SLC39A11: variants seen among roughly 807,000 people sequenced by gnomAD.
SLC39A11 encodes zinc transporter ZIP11.
In SLC39A11, 33 loss-of-function variants were observed where a neutral mutation model predicts 36.1. That is an observed-to-expected ratio of 0.91 (90% CI 0.69 to 1.22). The LOEUF (loss-of-function observed/expected upper bound fraction) is 1.22. SLC39A11 is among the 50% of genes most tolerant of loss of function. The probability of loss-of-function intolerance (pLI) is 0.00; values close to 1 mark genes in which losing one functional copy is unlikely to be tolerated. For missense variants in SLC39A11, 432 were observed against 430.3 expected, an observed-to-expected ratio of 1.00 and a Z score of -0.03; for synonymous variants, 166 against 170.3, an observed-to-expected ratio of 0.97 and a Z score of 0.20.
chr17:72,830,266 C>A (rs183367927), intron 6 of SLC39A11, among the ~76,000 whole-genome samples: 8 of 152,288 alleles, frequency 5.3e-5, no homozygotes, highest in African/African-American at 1.9e-4. Context: ...CACTGATACG[C>A]TAGCATAGAG....
At position 72,936,411 on chromosome 17, in the gene SLC39A11, TAAAAAAAAAAAAAAAAA is replaced by T. The variant is rs746428868; in HGVS notation, c.430+11324_430+11340del. On this transcript the variant is annotated intron_variant, in intron 5 of 9. Coordinates refer to ENST00000255559, the MANE Select transcript of SLC39A11 (RefSeq NM_139177.4). The stretch of plus-strand genomic sequence containing the variant: ...TGGCAGTATCTCATCTGAAAAAAAG[TAAAAAAAAAAAAAAAAA>T]AAAAAAAAAAAAAATTCCCCTGGCA... Among the ~76,000 whole-genome samples, 321 of 73,472 alleles carry T rather than the reference TAAAAAAAAAAAAAAAAA, an allele frequency of 4.4e-3. 1 individual carries two copies. The highest frequency in any genetic ancestry group is 0.015 in the African/African-American group (293 of 20,068). The allele number at this position is 73,472 out of a possible 152,430, so 48.2% of individuals were successfully genotyped here. A position where few individuals can be genotyped will look rare whatever the true frequency, so the allele number is the denominator to read the frequency against.
chr17:72,739,821 ATGCAGGGATTAGGGGCGCCAATCCCT>A (rs1320106998), intron 6 of SLC39A11, among the ~76,000 whole-genome samples: 1 of 152,180 alleles, frequency 6.6e-6, no homozygotes, highest in Non-Finnish European at 1.5e-5. Context: ...CCCTTGAACA[ATGCAGGGATTAGGGGCGCCAATCCCT>A]TGCACAGTTG....
intron 7 of SLC39A11, among the ~76,000 whole-genome samples, chr17:72,733,485 G>C (rs532861065): frequency 7.2e-4 from 110 of 152,312 alleles, no homozygotes; most frequent in African/African-American, 2.5e-3. Flanking sequence ...GGACTGCTCA[G>C]AAGATAAGCT....
At chr17:72,677,754 T>G (rs570701457) in intron 7 of SLC39A11, among the ~76,000 whole-genome samples, 2 of 152,088 alleles carry the variant, frequency 1.3e-5, no homozygotes, top group Non-Finnish European at 2.9e-5. Context: ...TCCCTCAATT[T>G]TGGTCCTCCT....
At chr17:72,909,819 C>A (rs2082880059) in intron 5 of SLC39A11, among the ~76,000 whole-genome samples, 1 of 151,018 alleles carries the variant, frequency 6.6e-6, no homozygotes, top group South Asian at 2.1e-4. Context: ...GATCTCGGCT[C>A]ACTGCAACCT....
intron 6 of SLC39A11, among the ~76,000 whole-genome samples, chr17:72,748,321 C>A (rs140217395): frequency 4.5e-4 from 66 of 147,428 alleles, no homozygotes; most frequent in Non-Finnish European, 4.8e-4. Context: ...GACTCCATCT[C>A]AAAAAAAAAA....
At chr17:72,781,983 T>TATAC (rs1480836045) in intron 6 of SLC39A11, among the ~76,000 whole-genome samples, 6 of 152,062 alleles carry the variant, frequency 3.9e-5, no homozygotes, top group Admixed American at 3.9e-4. Flanking sequence ...TATATATACA[T>TATAC]ATACATACAT....
At chr17:72,960,769 C>T (rs998479259) in intron 4 of SLC39A11, among the ~76,000 whole-genome samples, 1 of 151,906 alleles carries the variant, frequency 6.6e-6, no homozygotes, top group Admixed American at 6.5e-5. Flanking sequence ...CATGATCGCA[C>T]CACTGTACTC....
intron 4 of SLC39A11, among the ~76,000 whole-genome samples, chr17:72,981,101 A>G (rs9907321): frequency 0.042 from 6,367 of 152,242 alleles, 214 homozygotes; most frequent in East Asian, 0.12. Context: ...AAGGGGAAGG[A>G]AACAGGTGAA....
At chr17:72,946,602 T>A (rs2085443850) in intron 5 of SLC39A11, among the ~76,000 whole-genome samples, 1 of 152,186 alleles carries the variant, frequency 6.6e-6, no homozygotes, top group East Asian at 1.9e-4. Flanking sequence ...TTTTCCTTAA[T>A]TCACTCAGGA....
At chr17:73,077,237 T>C (rs945090379) in intron 3 of SLC39A11, among the ~76,000 whole-genome samples, 2 of 152,192 alleles carry the variant, frequency 1.3e-5, no homozygotes, top group African/African-American at 4.8e-5. Flanking sequence ...CTGTCTCCCA[T>C]ATGATGTTCT....
chr17:72,709,797 C>T (rs529734954), intron 7 of SLC39A11, among the ~76,000 whole-genome samples: 3 of 152,266 alleles, frequency 2.0e-5, no homozygotes, highest in African/African-American at 7.2e-5. Flanking sequence ...TTATAAGTAA[C>T]CTGCTTTTCC....
chr17:73,015,040 G>A (rs938357783), intron 4 of SLC39A11, among the ~76,000 whole-genome samples: 2 of 152,150 alleles, frequency 1.3e-5, no homozygotes, highest in African/African-American at 4.8e-5. Context: ...TTGAATTCAT[G>A]TTTCTCCAAT....
chr17:72,716,992 T>TATACACAC (rs773086532), intron 7 of SLC39A11, among the ~76,000 whole-genome samples: 1 of 126,464 alleles, frequency 7.9e-6, no homozygotes, highest in African/African-American at 3.2e-5. Context: ...TATATATATA[T>TATACACAC]ACACACACAC....
intron 4 of SLC39A11, among the ~76,000 whole-genome samples, chr17:72,961,721 C>T (rs1411663015): frequency 6.6e-6 from 1 of 151,558 alleles, no homozygotes; most frequent in East Asian, 1.9e-4. Context: ...GGGAACATCA[C>T]ACACTGGGGC....
chr17:72,733,107 G>A lies in SLC39A11; in HGVS notation c.671+3543C>T, dbSNP rs537096956. On this transcript the variant is annotated intron_variant, in intron 7 of 9. Coordinates refer to ENST00000255559, the MANE Select transcript of SLC39A11 (RefSeq NM_139177.4). ...CCCTGACATCCAAGGGCAAGGGCAC[G>A]GCTCCATCCGCTCCATAGGCAAGAG... Among the ~76,000 whole-genome samples, 4 of 152,290 alleles carry A rather than the reference G, an allele frequency of 2.6e-5. No individual in the cohort carries two copies. The East Asian group carries it at 5.8e-4, about 22-fold the overall frequency.
intron 3 of SLC39A11, among the ~76,000 whole-genome samples, chr17:73,069,980 T>C (rs770840935): frequency 1.3e-5 from 2 of 152,208 alleles, no homozygotes; most frequent in African/African-American, 4.8e-5. Context: ...TCTGTCTGGA[T>C]TCAATGAAGT....
chr17:72,792,033 A>C (rs2076723678), intron 6 of SLC39A11, among the ~76,000 whole-genome samples: 1 of 152,206 alleles, frequency 6.6e-6, no homozygotes, highest in Non-Finnish European at 1.5e-5. Flanking sequence ...CGAGGCACAG[A>C]GGGTTAGGTC....
At chr17:72,722,329 ATTTCAAGAAACTAGAT>A (rs1448687914) in intron 7 of SLC39A11, among the ~76,000 whole-genome samples, 1 of 152,222 alleles carries the variant, frequency 6.6e-6, no homozygotes, top group African/African-American at 2.4e-5. Flanking sequence ...ACACCGTCCA[ATTTCAAGAAACTAGAT>A]TTTCAACAGA....
Sources: gnomAD v4.1 joint callset for allele counts (sites outside exome capture counted in the v4.1 genomes callset) on GRCh38, gnomAD v4.1.1 for gene constraint, MANE v1.5 for transcripts, NCBI Gene and HGNC (gene_info 2026-07-23, HGNC 2026-07-21) for gene names.